JAM3: variants seen among roughly 807,000 people sequenced by gnomAD.
The protein encoded by JAM3 is junctional adhesion molecule 3.
A neutral mutation model predicts 39.4 loss-of-function variants in JAM3; 31 were observed. The ratio of observed to expected loss-of-function variants is 0.79; its 90% CI spans 0.59 to 1.06. JAM3 has a LOEUF of 1.06. JAM3 is among the 50% of genes least tolerant of loss of function. JAM3 has a pLI of 0.00. For synonymous variants in JAM3, 182 were observed against 148.7 expected (o/e 1.22, Z -1.63); for missense variants, 455 against 391.4 (o/e 1.16, Z -1.37).
chr11:134,074,565 G>C (rs569238128), intron 1 of JAM3, among the ~76,000 whole-genome samples: 80 of 152,204 alleles, frequency 5.3e-4, no homozygotes, highest in Non-Finnish European at 8.4e-4. Context: ...CTTTTGGGTG[G>C]GGGAGTCAGC....
At chr11:134,098,961 A>T (rs1942029592) in intron 1 of JAM3, among the ~76,000 whole-genome samples, 1 of 152,128 alleles carries the variant, frequency 6.6e-6, no homozygotes, top group Admixed American at 6.5e-5. Context: ...GCACCTTGGG[A>T]GGCCAAGGTG....
intron 1 of JAM3, among the ~76,000 whole-genome samples, chr11:134,126,872 GATA>G (rs1329445489): frequency 6.6e-6 from 1 of 152,280 alleles, no homozygotes; most frequent in East Asian, 1.9e-4. Flanking sequence ...TGGCCTTAAG[GATA>G]ATAATAACTT....
At chr11:134,133,872 A>G (rs1942813408) in intron 1 of JAM3, among the ~76,000 whole-genome samples, 1 of 152,230 alleles carries the variant, frequency 6.6e-6, no homozygotes, top group Non-Finnish European at 1.5e-5. Flanking sequence ...TACAAGGCAT[A>G]CTAAAAAGCA....
In JAM3 at chr11:134,140,593, G is replaced by C. The variant is rs114231587; in HGVS notation, c.143-64G>C. 2.2e-3 allele frequency: 2,909 copies of C among 1,314,546 alleles called. 40 individuals are homozygous for C. The African/African-American group carries it at 0.036, about 16-fold the overall frequency. 81.4% of individuals were successfully genotyped at this position (1,314,546 alleles called of 1,614,324 possible). A position where few individuals can be genotyped will look rare whatever the true frequency, so the allele number is the denominator to read the frequency against. Reference sequence around the variant, plus strand: ...CTTGAATTAGAGCTTGCAGGGTCTGGGTGCAGCTGAACGTAGAAGCACTCC... The same window carrying C: ...CTTGAATTAGAGCTTGCAGGGTCTGCGTGCAGCTGAACGTAGAAGCACTCC... On this transcript the variant is annotated intron_variant, in intron 2 of 8. Transcript: ENST00000299106.
rs1941738254 is a variant in JAM3 at position 134,085,785 on chromosome 11, A to T, written c.76+16626A>T. Among the ~76,000 whole-genome samples, 6 of 152,224 alleles carry T rather than the reference A, an allele frequency of 3.9e-5. No homozygotes were observed. In the South Asian group the frequency reaches 1.2e-3, roughly 31 times the overall value. Reference sequence around the variant, plus strand: ...GTAATATTTGGAACATCATATACATACAAATATTCATTGATAAGAGAACAT... The same window carrying T: ...GTAATATTTGGAACATCATATACATTCAAATATTCATTGATAAGAGAACAT... On this transcript the variant is annotated intron_variant, in intron 1 of 8. Coordinates refer to ENST00000299106, the MANE Select transcript of JAM3 (RefSeq NM_032801.5).
chr11:134,100,567 C>T (rs888456729), intron 1 of JAM3, among the ~76,000 whole-genome samples: 1 of 152,162 alleles, frequency 6.6e-6, no homozygotes, highest in Non-Finnish European at 1.5e-5. Flanking sequence ...TGCTAGTGAG[C>T]TCCTTGAGGG....
In JAM3 at chr11:134,104,297, A is replaced by C. The variant is rs1364237962; in HGVS notation, c.76+35138A>C. Among the ~76,000 whole-genome samples, 148 of 152,254 alleles carry C rather than the reference A, an allele frequency of 9.7e-4. 1 individual carries two copies. The highest frequency in any genetic ancestry group is 3.7e-4 in the Non-Finnish European group (25 of 67,992). On this transcript the variant is annotated intron_variant, in intron 1 of 8. Coordinates refer to ENST00000299106, the MANE Select transcript of JAM3 (RefSeq NM_032801.5). The stretch of plus-strand genomic sequence containing the variant: ...AAATGAAGGCAGAAATAAAGATGTT[A>C]TTTGAAACCAATGAGAACAAAGACA...
chr11:134,147,210 C>T (rs558009606), intron 6 of JAM3, among the ~76,000 whole-genome samples: 1 of 151,890 alleles, frequency 6.6e-6, no homozygotes, highest in Admixed American at 6.6e-5. Context: ...TCCTAGCACT[C>T]TGGGAGGCTG....
chr11:134,137,177 A>C (rs574654710), intron 1 of JAM3, among the ~76,000 whole-genome samples: 1 of 152,322 alleles, frequency 6.6e-6, no homozygotes, highest in Admixed American at 6.5e-5. Context: ...CAGAGGGATA[A>C]AAGAAGTGAC....
At chr11:134,127,730 A>G (rs1259420847) in intron 1 of JAM3, among the ~76,000 whole-genome samples, 1 of 152,234 alleles carries the variant, frequency 6.6e-6, no homozygotes, top group Non-Finnish European at 1.5e-5. Flanking sequence ...GCCTTTGAAA[A>G]TAAATACAGA....
intron 1 of JAM3, among the ~76,000 whole-genome samples, chr11:134,094,487 A>C (rs538254387): frequency 1.4e-5 from 2 of 145,816 alleles, no homozygotes; most frequent in Admixed American, 1.4e-4. Context: ...TGACTTCCTG[A>C]GGGAAACTTC....
At chr11:134,123,949 C>T in intron 1 of JAM3, 2 of 1,489,228 alleles carry the variant, frequency 1.3e-6, no homozygotes, top group Non-Finnish European at 1.9e-6. Flanking sequence ...ATAAACTGAA[C>T]TGCATCTTCG....
intron 1 of JAM3, among the ~76,000 whole-genome samples, chr11:134,101,098 C>G (rs1942065096): frequency 6.6e-6 from 1 of 152,166 alleles, no homozygotes; most frequent in African/African-American, 2.4e-5. Flanking sequence ...CATGGGGTAA[C>G]AGTGTAAGCA....
intron 1 of JAM3, among the ~76,000 whole-genome samples, chr11:134,124,867 C>T (rs1194999291): frequency 2.6e-5 from 4 of 152,234 alleles, no homozygotes; most frequent in African/African-American, 9.6e-5. Context: ...TCAGAATCGC[C>T]GTAAATGTGC....
intron 1 of JAM3, among the ~76,000 whole-genome samples, chr11:134,113,527 A>C (rs1021967269): frequency 6.6e-6 from 1 of 152,124 alleles, no homozygotes; most frequent in Non-Finnish European, 1.5e-5. Context: ...TGAACTCATC[A>C]TCTTTTATGG....
At chr11:134,121,821 G>GCA (rs1555117431) in intron 1 of JAM3, among the ~76,000 whole-genome samples, 152 of 148,516 alleles carry the variant, frequency 1.0e-3, no homozygotes, top group African/African-American at 3.4e-3. Flanking sequence ...GCATGTGTGC[G>GCA]CACACACACA....
chr11:134,110,554 A>G (rs1485110857), intron 1 of JAM3, among the ~76,000 whole-genome samples: 1 of 152,218 alleles, frequency 6.6e-6, no homozygotes, highest in Non-Finnish European at 1.5e-5. Context: ...AAGAGTACAT[A>G]TGGTATGATT....
chr11:134,085,454 ATT>A (rs1480094442), intron 1 of JAM3, among the ~76,000 whole-genome samples: 4 of 152,174 alleles, frequency 2.6e-5, no homozygotes, highest in Non-Finnish European at 4.4e-5. Flanking sequence ...TAATAAACAT[ATT>A]GTTATTTTTC....
intron 1 of JAM3, among the ~76,000 whole-genome samples, chr11:134,139,328 G>C (rs1167396472): frequency 6.6e-6 from 1 of 152,170 alleles, no homozygotes; most frequent in Non-Finnish European, 1.5e-5. Context: ...TCGTGGACTG[G>C]AACCACCGGG....
Sources: gnomAD v4.1 joint callset for allele counts (sites outside exome capture counted in the v4.1 genomes callset) on GRCh38, gnomAD v4.1.1 for gene constraint, MANE v1.5 for transcripts, NCBI Gene and HGNC (gene_info 2026-07-23, HGNC 2026-07-21) for gene names.